The following BAMBI variants were observed in gnomAD, a reference collection of about 807,000 sequenced individuals.
BAMBI encodes BMP and activin membrane bound inhibitor.
In BAMBI, 21 loss-of-function variants were observed where a neutral mutation model predicts 24.1. The observed-to-expected ratio is 0.87, with a 90% CI of 0.62 to 1.26. The LOEUF (loss-of-function observed/expected upper bound fraction) is 1.26. Ranked by LOEUF, BAMBI falls within the 50% of genes most tolerant of loss-of-function variation. The probability of loss-of-function intolerance (pLI) is 0.00; values close to 1 mark genes in which losing one functional copy is unlikely to be tolerated. For synonymous variants in BAMBI, 156 were observed against 123.1 expected (o/e 1.27, Z -1.77); for missense variants, 388 against 329.1 (o/e 1.18, Z -1.38).
Position 28,677,813 on chromosome 10 carries a change from G to T in BAMBI, c.-85G>T, listed in dbSNP as rs997596532. 31 of 1,143,406 alleles carry T rather than the reference G, an allele frequency of 2.7e-5. No individual in the cohort carries two copies. Among genetic ancestry groups the T allele is most frequent in the Middle Eastern group, 3.2e-4 (1 of 3,126 alleles). The allele number at this position is 1,143,406 out of a possible 1,614,324, so 70.8% of individuals were successfully genotyped here. ...GCCCGCCGCTCCGGGCAGGGCCCAT[G>T]CCCTGCGCGCTCCGGGGGTCGTAGG... is the stretch of plus-strand genomic sequence containing the variant. On this transcript the variant is annotated 5_prime_UTR_variant, in exon 1 of 3. An upstream start codon of the reference 5' UTR is lost. Transcript: ENST00000375533.
chr10:28,681,627 A>G (rs1834498988), intron 2 of BAMBI, 82 bp downstream of exon 2: 2 of 1,449,110 alleles, frequency 1.4e-6, no homozygotes, highest in Admixed American at 3.7e-5. Context: ...TCTGCTATTG[A>G]TTTTGTTGTT....
rs1175983898 is a variant in BAMBI at position 28,681,208 on chromosome 10, T to TGATAAAG, written c.77-50_77-49insGATAAAG. 3.8e-6 allele frequency: 6 copies of TGATAAAG among 1,572,978 alleles called. No homozygotes were observed. The East Asian group carries it at 1.3e-4, about 35-fold the overall frequency. Reference sequence around the variant, plus strand: ...ATTTAGCAGTTGCCTAAATAGTTGCTTTATCTGGTCTCTGGAGCAGAGTTT... The same window carrying TGATAAAG: ...ATTTAGCAGTTGCCTAAATAGTTGCTGATAAAGTTATCTGGTCTCTGGAGCAGAGTTT... On this transcript the variant is annotated intron_variant, in intron 1 of 2. Transcript: ENST00000375533.
chr10:28,682,308 TAA>T lies in BAMBI; in HGVS notation c.693_694del (p.Lys231AsnfsTer10). ...ACGAGAACTGCTGTCTGACCTGTGA[TAA>T]AATGAGACAAGCAGACCTCAGCAAC... is the stretch of plus-strand genomic sequence containing the variant. The part of the protein sequence containing the change: ...GHENCCLTCD[K>X]MRQADLSNDK... On this transcript the variant is annotated frameshift_variant, in exon 3 of 3. Coordinates refer to ENST00000375533, the MANE Select transcript of BAMBI (RefSeq NM_012342.3). LOFTEE classifies it high-confidence loss of function. 6.2e-7 allele frequency: 1 copy of T among 1,614,090 alleles called. No homozygotes were observed. The highest frequency in any genetic ancestry group is 8.5e-7 in the Non-Finnish European group (1 of 1,180,014).
At position 28,677,832 on chromosome 10, in the gene BAMBI, TC is replaced by T; in HGVS notation, c.-65del. On this transcript the variant is annotated 5_prime_UTR_variant, in exon 1 of 3. The change abolishes the stop of an existing upstream ORF in the 5' untranslated region. Coordinates refer to ENST00000375533, the MANE Select transcript of BAMBI (RefSeq NM_012342.3). ...GCCCATGCCCTGCGCGCTCCGGGGGTCGTAGGCTGCCGCCGAGCCGGGGCTC... is the reference window on the plus strand; with the variant it reads ...GCCCATGCCCTGCGCGCTCCGGGGGTGTAGGCTGCCGCCGAGCCGGGGCTC... 7.3e-7 allele frequency: 1 copy of T among 1,360,610 alleles called. No individual in the cohort carries two copies. The highest frequency in any genetic ancestry group is 1.4e-5 in the South Asian group (1 of 70,012). The allele number at this position is 1,360,610 out of a possible 1,614,324, so 84.3% of individuals were successfully genotyped here. A position where few individuals can be genotyped will look rare whatever the true frequency, so the allele number is the denominator to read the frequency against.
intron 1 of BAMBI, among the ~76,000 whole-genome samples, chr10:28,678,815 A>G (rs1834466293): frequency 7.7e-6 from 1 of 129,354 alleles, no homozygotes; most frequent in South Asian, 2.7e-4. Flanking sequence ...TTTTACAAAC[A>G]GGACCAAAAA....
chr10:28,681,562 T>G lies in BAMBI; in HGVS notation c.364+17T>G. 6.2e-7 allele frequency: 1 copy of G among 1,609,984 alleles called. No homozygotes were observed. Among genetic ancestry groups the G allele is most frequent in the South Asian group, 1.1e-5 (1 of 91,022 alleles). On this transcript the variant is annotated intron_variant, in intron 2 of 2. Transcript: ENST00000375533. Reference sequence around the variant, plus strand: ...AGGCCTCAGGTAGGTGGAAGCCGTTTCTAACCAGAATGCCTGCCTGATCTA... The same window carrying G: ...AGGCCTCAGGTAGGTGGAAGCCGTTGCTAACCAGAATGCCTGCCTGATCTA...
Position 28,681,278 on chromosome 10 carries a change from G to C in BAMBI, c.97G>C (p.Asp33His). 1 of 1,612,954 alleles carries C rather than the reference G, an allele frequency of 6.2e-7. No homozygotes were observed. Among genetic ancestry groups the C allele is most frequent in the Non-Finnish European group, 8.5e-7 (1 of 1,179,940 alleles). Residue 33 changes from aspartate to histidine, a missense_variant, in exon 2 of 3, where the codon GAT (aspartate) becomes CAT (histidine). Asp to His is a moderately conservative substitution (Grantham distance 81). Transcript: ENST00000375533. The stretch of plus-strand genomic sequence containing the variant: ...TTCAGGTGAAATTCGATGCTACTGT[G>C]ATGCTGCCCACTGTGTAGCCACTGG... ...LTKGEIRCYC[D>H]AAHCVATGYM...
At position 28,681,299 on chromosome 10, in the gene BAMBI, ACTGGTTATATGTGTAAATCTGAGCT is replaced by A; in HGVS notation, c.120_144del (p.Gly41AlafsTer94). ...CTGTGATGCTGCCCACTGTGTAGCC[ACTGGTTATATGTGTAAATCTGAGCT>A]CAGCGCCTGCTTCTCTAGACTTCTT... On this transcript the variant is annotated frameshift_variant, in exon 2 of 3. Coordinates refer to ENST00000375533, the MANE Select transcript of BAMBI (RefSeq NM_012342.3). LOFTEE classifies it high-confidence loss of function. The A allele has an allele frequency of 6.2e-7, 1 of 1,613,874 alleles. No homozygotes were observed. Among genetic ancestry groups the A allele is most frequent in the Middle Eastern group, 1.6e-4 (1 of 6,062 alleles).
intron 2 of BAMBI, 34 bp from the exon 3 acceptor site, chr10:28,681,949 A>G (rs368434592): frequency 3.8e-5 from 60 of 1,567,148 alleles, no homozygotes; most frequent in Non-Finnish European, 4.9e-5. Context: ...AGGAGTTAGC[A>G]TGGAGTTTGA....
rs752200808 is a variant in BAMBI, at chr10:28,677,880, C to T, written c.-18C>T. On this transcript the variant is annotated 5_prime_UTR_variant, in exon 1 of 3. Transcript: ENST00000375533. Reference sequence around the variant, plus strand: ...GCTCCGGAAGCCGGCGGGGGCGCCGCGGCCGTGCGGGGCGTCAATGGATCG... The same window carrying T: ...GCTCCGGAAGCCGGCGGGGGCGCCGTGGCCGTGCGGGGCGTCAATGGATCG... 396 of 1,493,228 alleles carry T rather than the reference C, an allele frequency of 2.7e-4. 4 individuals carry two copies. The East Asian group carries it at 0.011, about 40-fold the overall frequency. 92.5% of individuals were successfully genotyped at this position (1,493,228 alleles called of 1,614,324 possible). A position where few individuals can be genotyped will look rare whatever the true frequency, so the allele number is the denominator to read the frequency against.
chr10:28,681,148 T>A, intron 1 of BAMBI, 110 bp from the exon 2 acceptor site: 2 of 1,156,540 alleles, frequency 1.7e-6, no homozygotes, highest in Non-Finnish European at 2.4e-6. Flanking sequence ...GCCCTCAGCT[T>A]GGATGATCTA....
chr10:28,680,099 T>A (rs565147021), intron 1 of BAMBI, among the ~76,000 whole-genome samples: 1 of 152,000 alleles, frequency 6.6e-6, no homozygotes, highest in South Asian at 2.1e-4. Flanking sequence ...AGAATAAAGG[T>A]AAGGGTGGGA....
At chr10:28,678,593 C>A (rs191432270) in intron 1 of BAMBI, among the ~76,000 whole-genome samples, 1 of 152,044 alleles carries the variant, frequency 6.6e-6, no homozygotes, top group African/African-American at 2.4e-5. Flanking sequence ...GAATGCATTT[C>A]TGTGTCTGTC....
chr10:28,677,822 G>T lies in BAMBI; in HGVS notation c.-76G>T. ...TCCGGGCAGGGCCCATGCCCTGCGC[G>T]CTCCGGGGGTCGTAGGCTGCCGCCG... On this transcript the variant is annotated 5_prime_UTR_variant, in exon 1 of 3. Coordinates refer to ENST00000375533, the MANE Select transcript of BAMBI (RefSeq NM_012342.3). 2 of 1,243,824 alleles carry T rather than the reference G, an allele frequency of 1.6e-6. No individual in the cohort carries two copies. Among genetic ancestry groups the T allele is most frequent in the Non-Finnish European group, 2.1e-6 (2 of 948,428 alleles). 77.0% of individuals were successfully genotyped at this position (1,243,824 alleles called of 1,614,324 possible). A position where few individuals can be genotyped will look rare whatever the true frequency, so the allele number is the denominator to read the frequency against.
Position 28,682,400 on chromosome 10 carries a change from G to C in BAMBI, c.782G>C (p.Ter261SerextTer5). 1 of 1,608,530 alleles carries C rather than the reference G, an allele frequency of 6.2e-7. No homozygotes were observed. The highest frequency in any genetic ancestry group is 8.5e-7 in the Non-Finnish European group (1 of 1,175,488). The change falls in exon 3 of 3, where the codon TGA becomes TCA. Residue 261 changes from the stop codon to serine (S), a stop_lost. Coordinates refer to ENST00000375533, the MANE Select transcript of BAMBI (RefSeq NM_012342.3). ...YSGHGKLEFV[*>S] The stretch of plus-strand genomic sequence containing the variant: ...GGGCACGGGAAGCTGGAATTCGTAT[G>C]ACGGAGTCTTATCTGAACTACACTT...
At chr10:28,679,947 G>T (rs1198821866) in intron 1 of BAMBI, among the ~76,000 whole-genome samples, 3 of 152,204 alleles carry the variant, frequency 2.0e-5, no homozygotes, top group Non-Finnish European at 4.4e-5. Flanking sequence ...GGTTGCCAAA[G>T]ATCTGTGTTT....
chr10:28,681,749 C>T (rs1588644148), intron 2 of BAMBI: 2 of 760,418 alleles, frequency 2.6e-6, no homozygotes, highest in East Asian at 5.4e-5. Context: ...TAGGTTTTGC[C>T]TGTTTTTTCA....
Position 28,677,807 on chromosome 10 carries a change from G to GCCCGAAA in BAMBI, c.-88_-87insGAAACCC. 1 of 1,039,272 alleles carries GCCCGAAA rather than the reference G, an allele frequency of 9.6e-7. No homozygotes were observed. Among genetic ancestry groups the GCCCGAAA allele is most frequent in the Non-Finnish European group, 1.3e-6 (1 of 779,832 alleles). The allele number at this position is 1,039,272 out of a possible 1,614,324, so 64.4% of individuals were successfully genotyped here. ...GACGGCGCCCGCCGCTCCGGGCAGG[G>GCCCGAAA]CCCATGCCCTGCGCGCTCCGGGGGT... On this transcript the variant is annotated 5_prime_UTR_variant, in exon 1 of 3. Transcript: ENST00000375533.
chr10:28,678,485 TTGAA>T (rs1834462688), intron 1 of BAMBI, among the ~76,000 whole-genome samples: 1 of 152,240 alleles, frequency 6.6e-6, no homozygotes, highest in South Asian at 2.1e-4. Flanking sequence ...CTGTGTCTCT[TTGAA>T]TGTATCTCTG....
Sources: allele counts gnomAD v4.1 joint callset (sites outside exome capture counted in the v4.1 genomes callset), GRCh38; gene constraint gnomAD v4.1.1; transcripts MANE v1.5; gene names NCBI Gene and HGNC (gene_info 2026-07-23, HGNC 2026-07-21).